B4GALT1: variants seen among roughly 807,000 people sequenced by gnomAD.
B4GALT1 encodes N-acetyllactosamine synthase.
In B4GALT1, 16 loss-of-function variants were observed where a neutral mutation model predicts 34.9. The observed-to-expected ratio is 0.46, with a 90% confidence interval of 0.31 to 0.70. The LOEUF (loss-of-function observed/expected upper bound fraction) is 0.70, where lower values mean the gene tolerates loss of function less well. B4GALT1 is among the 30% of genes least tolerant of loss of function. The pLI is 0.05. For missense variants in B4GALT1, 445 were observed against 530.5 expected (o/e 0.84, Z 1.58); for synonymous variants, 221 against 218.1 (o/e 1.01, Z -0.12).
At chr9:33,116,693 T>C (rs1382682060) in intron 3 of B4GALT1, among the ~76,000 whole-genome samples, 1 of 151,858 alleles carries the variant, frequency 6.6e-6, no homozygotes, top group Non-Finnish European at 1.5e-5. Flanking sequence ...TGGCTAATTT[T>C]TGTATTTTTA....
At chr9:33,133,333 TC>T (rs1287413414) in intron 2 of B4GALT1, among the ~76,000 whole-genome samples, 1 of 152,170 alleles carries the variant, frequency 6.6e-6, no homozygotes, top group Non-Finnish European at 1.5e-5. Context: ...CCACAGTACA[TC>T]CCTCATCTAC....
intron 2 of B4GALT1, among the ~76,000 whole-genome samples, chr9:33,132,424 G>T (rs1195613492): frequency 6.6e-6 from 1 of 152,178 alleles, no homozygotes; most frequent in Non-Finnish European, 1.5e-5. Context: ...TGTACACCGG[G>T]GTACCAAAGG....
chr9:33,167,886 C>G (rs1485730899), upstream of B4GALT1, among the ~76,000 whole-genome samples: 2 of 152,238 alleles, frequency 1.3e-5, no homozygotes, highest in African/African-American at 4.8e-5. Flanking sequence ...TAACTCAGCC[C>G]GGCTGGACCC....
chr9:33,161,505 C>G (rs543789208), intron 1 of B4GALT1, among the ~76,000 whole-genome samples: 1 of 152,290 alleles, frequency 6.6e-6, no homozygotes, highest in Non-Finnish European at 1.5e-5. Flanking sequence ...CAGTCTGGCT[C>G]CCAGGAACCC....
chr9:33,104,853 T>C, intron 2 of B4GALT1: 1 of 435,932 alleles, frequency 2.3e-6, no homozygotes, highest in South Asian at 1.6e-5. Flanking sequence ...AGTCTCACTC[T>C]GTTGCCCAGG....
At chr9:33,148,031 C>A (rs927387975) in intron 1 of B4GALT1, among the ~76,000 whole-genome samples, 19 of 151,414 alleles carry the variant, frequency 1.3e-4, no homozygotes, top group Admixed American at 6.6e-5. Flanking sequence ...AAAACCCCAA[C>A]TCTTAAAAAA....
At chr9:33,114,113 A>C (rs1839906296) in intron 4 of B4GALT1, among the ~76,000 whole-genome samples, 2 of 152,242 alleles carry the variant, frequency 1.3e-5, no homozygotes, top group African/African-American at 4.8e-5. Context: ...CATGTGCCAG[A>C]CACTGGGGCC....
chr9:33,122,601 C>T (rs1294774336), intron 2 of B4GALT1, among the ~76,000 whole-genome samples: 2 of 152,194 alleles, frequency 1.3e-5, no homozygotes, highest in African/African-American at 4.8e-5. Flanking sequence ...AGATGTGCCA[C>T]AGCCACCCAG....
chr9:33,166,420 G>A lies in B4GALT1; in HGVS notation c.412+338C>T, dbSNP rs1161578177. 2.6e-5 allele frequency among the ~76,000 whole-genome samples: 4 copies of A among 152,162 alleles called. No individual in the cohort carries two copies. The South Asian group carries it at 6.2e-4, about 24-fold the overall frequency. On this transcript the variant is annotated intron_variant, in intron 1 of 5. Coordinates refer to ENST00000379731, the MANE Select transcript of B4GALT1 (RefSeq NM_001497.4). Reference sequence around the variant, plus strand: ...CTACCAGAGTTCTCAGTGCAAGGCTGCTCGAAGCCCTAAGCAGACCCAAAC... The same window carrying A: ...CTACCAGAGTTCTCAGTGCAAGGCTACTCGAAGCCCTAAGCAGACCCAAAC...
At chr9:33,117,226 AC>A (rs1839953374) in intron 3 of B4GALT1, among the ~76,000 whole-genome samples, 1 of 152,200 alleles carries the variant, frequency 6.6e-6, no homozygotes, top group Admixed American at 6.5e-5. Flanking sequence ...ACTGGCCCTA[AC>A]AGTTGAGGCA....
upstream of B4GALT1, among the ~76,000 whole-genome samples, chr9:33,167,952 G>T (rs762441951): frequency 1.8e-4 from 28 of 152,246 alleles, no homozygotes; most frequent in Non-Finnish European, 3.7e-4. Flanking sequence ...CCACTTCTGT[G>T]CCTCCCCATC....
chr9:33,110,082 G>A (rs1839836392), downstream of B4GALT1, among the ~76,000 whole-genome samples: 1 of 152,236 alleles, frequency 6.6e-6, no homozygotes, highest in African/African-American at 2.4e-5. Context: ...TGCCAAGGGT[G>A]GCTCTCCTGC....
At chr9:33,156,465 C>T (rs1840595641) in intron 1 of B4GALT1, among the ~76,000 whole-genome samples, 1 of 152,096 alleles carries the variant, frequency 6.6e-6, no homozygotes, top group Non-Finnish European at 1.5e-5. Flanking sequence ...ACTGAAATCA[C>T]TAAGTCTAAA....
At chr9:33,168,837 G>A (rs1226275724), upstream of B4GALT1, among the ~76,000 whole-genome samples, 1 of 152,126 alleles carries the variant, frequency 6.6e-6, no homozygotes, top group African/African-American at 2.4e-5. Context: ...TATTTTACTG[G>A]CATCTCAAAC....
chr9:33,134,356 A>G (rs769122741), intron 2 of B4GALT1, among the ~76,000 whole-genome samples: 1 of 152,208 alleles, frequency 6.6e-6, no homozygotes, highest in Admixed American at 6.5e-5. Flanking sequence ...ATTTCAATGA[A>G]ACTGGGTGCT....
At chr9:33,159,026 G>A (rs1232678514) in intron 1 of B4GALT1, among the ~76,000 whole-genome samples, 2 of 152,138 alleles carry the variant, frequency 1.3e-5, no homozygotes. Flanking sequence ...TAAATGTCAG[G>A]CGCTACCCAA....
At chr9:33,153,960 G>T (rs187469214) in intron 1 of B4GALT1, among the ~76,000 whole-genome samples, 194 of 146,554 alleles carry the variant, frequency 1.3e-3, no homozygotes, top group African/African-American at 4.7e-3. Context: ...AGAGAAGAAA[G>T]GGAAGGGGAG....
At position 33,113,412 on chromosome 9, in the gene B4GALT1, G is replaced by A; in HGVS notation, c.*42C>T. 1 of 1,613,696 alleles carries A rather than the reference G, an allele frequency of 6.2e-7. No homozygotes were observed. Among genetic ancestry groups the A allele is most frequent in the Non-Finnish European group, 8.5e-7 (1 of 1,179,770 alleles). On this transcript the variant is annotated 3_prime_UTR_variant, in exon 6 of 6. Transcript: ENST00000379731. ...AGATTGGCAGAGACACACAGCAGAGGTCCCTGGCTAATTTCAGGTCTCTTA... is the reference window on the plus strand; with the variant it reads ...AGATTGGCAGAGACACACAGCAGAGATCCCTGGCTAATTTCAGGTCTCTTA...
intron 3 of B4GALT1, 131 bp downstream of exon 3, chr9:33,120,288 G>T (rs1244920960): frequency 3.0e-6 from 3 of 986,030 alleles, no homozygotes; most frequent in Admixed American, 3.7e-5. Flanking sequence ...CTAATACAAA[G>T]CACCCATTTC....
Sources: allele counts gnomAD v4.1 joint callset (sites outside exome capture counted in the v4.1 genomes callset), GRCh38; gene constraint gnomAD v4.1.1; transcripts MANE v1.5; gene names NCBI Gene and HGNC (gene_info 2026-07-23, HGNC 2026-07-21).